The following SNAP47 variants were observed in gnomAD, a reference collection of about 807,000 sequenced individuals.
SNAP47 encodes synaptosome associated protein 47.
A neutral mutation model predicts 31.4 loss-of-function variants in SNAP47; 20 were observed. The observed-to-expected ratio is 0.64, with a 90% CI of 0.45 to 0.93. The LOEUF (loss-of-function observed/expected upper bound fraction) is 0.93, where lower values mean the gene tolerates loss of function less well. Among genes scored for constraint, SNAP47 ranks in the 40% least tolerant of loss-of-function variants. The pLI is 0.00. For synonymous variants in SNAP47, 194 were observed against 213.4 expected, an observed-to-expected ratio of 0.91 and a Z score of 0.79; for missense variants, 492 against 528.5, an observed-to-expected ratio of 0.93 and a Z score of 0.68.
At chr1:227,779,067 C>T (rs768943645) in intron 4 of SNAP47, among the ~76,000 whole-genome samples, 6 of 152,184 alleles carry the variant, frequency 3.9e-5, no homozygotes, top group Non-Finnish European at 8.8e-5. Flanking sequence ...GGCAGCTGGC[C>T]GGGGAAGGGC....
chr1:227,766,466 C>A (rs1046033755), intron 3 of SNAP47, among the ~76,000 whole-genome samples: 1 of 152,192 alleles, frequency 6.6e-6, no homozygotes, highest in Non-Finnish European at 1.5e-5. Flanking sequence ...CACCCAGGTC[C>A]TCTCTGAGCC....
intron 2 of SNAP47, among the ~76,000 whole-genome samples, chr1:227,751,763 T>G (rs1572010923): frequency 3.4e-5 from 4 of 118,406 alleles, no homozygotes; most frequent in African/African-American, 1.4e-4. Context: ...TTTTTTTTTT[T>G]TTTTTTTTTT....
chr1:227,773,291 AAAAAT>A (rs2102992818), intron 4 of SNAP47, among the ~76,000 whole-genome samples: 1 of 152,258 alleles, frequency 6.6e-6, no homozygotes, highest in Non-Finnish European at 1.5e-5. Context: ...TTCAAAAGTA[AAAAAT>A]AAAATAAGTT....
At chr1:227,766,692 AAAAAT>A (rs752389088) in intron 3 of SNAP47, among the ~76,000 whole-genome samples, 31 of 152,332 alleles carry the variant, frequency 2.0e-4, no homozygotes, top group African/African-American at 2.9e-4. Flanking sequence ...AGCCTTTCTC[AAAAAT>A]AAAATAAAAT....
intron 4 of SNAP47, chr1:227,775,961 AGGG>A: frequency 7.8e-7 from 1 of 1,286,800 alleles, no homozygotes. Flanking sequence ...CACAGCGCCC[AGGG>A]CATCCTCCTC....
intron 1 of SNAP47, among the ~76,000 whole-genome samples, chr1:227,740,132 A>G (rs989330163): frequency 2.6e-5 from 4 of 152,198 alleles, no homozygotes; most frequent in African/African-American, 9.6e-5. Flanking sequence ...TGCTTGGGCC[A>G]TGGTTGGTGA....
At chr1:227,733,551 C>T (rs763227625), upstream of SNAP47, 15 of 1,606,652 alleles carry the variant, frequency 9.3e-6, no homozygotes, top group South Asian at 5.5e-5. Context: ...GAGGTCACGT[C>T]GTAGGGCAGG....
At chr1:227,770,708 G>T (rs1162544590) in intron 4 of SNAP47, 1 of 153,450 alleles carries the variant, frequency 6.5e-6, no homozygotes, top group Non-Finnish European at 1.5e-5. Flanking sequence ...GAAAAAACAT[G>T]TGTGTGTACC....
intron 1 of SNAP47, chr1:227,745,713 G>T (rs552275270): frequency 6.6e-6 from 1 of 152,314 alleles, no homozygotes; most frequent in South Asian, 2.1e-4. Flanking sequence ...CAGCTGGAGA[G>T]CCCCGGGTTC....
In SNAP47 at chr1:227,767,023, A is replaced by G. The variant is rs377682744; in HGVS notation, c.1053A>G (p.Ala351=). The change falls in exon 4 of 5, where the codon GCA becomes GCG. Residue 351 remains alanine, a synonymous_variant. Coordinates refer to ENST00000617596, the MANE Select transcript of SNAP47 (RefSeq NM_053052.4). ...CCGCAGGAGACCAGGAGGGCACAGC[A>G]CTGCACCTGCAGACAAGCCTGCCAG... ...EPPAGDQEGT[A]LHLQTSLPAL... is the part of the protein sequence containing the mutation. 6.2e-7 allele frequency: 1 copy of G among 1,614,016 alleles called. No individual in the cohort carries two copies. The highest frequency in any genetic ancestry group is 2.2e-5 in the East Asian group (1 of 44,892).
chr1:227,747,888 C>T lies in SNAP47; in HGVS notation c.152C>T (p.Ser51Phe), dbSNP rs780323476. The T allele has an allele frequency of 1.2e-6, 2 of 1,614,212 alleles. No homozygotes were observed. Among genetic ancestry groups the T allele is most frequent in the African/African-American group, 1.3e-5 (1 of 75,044 alleles). ...GAGATTCTGGTCAGCTTCCCCCTCT[C>T]CAGCATAGTTGAGATCAAGAAGGAG... ...TGEILVSFPLSSIVEIKKEAS... is the reference protein window; with the variant it reads ...TGEILVSFPLFSIVEIKKEAS... Residue 51 changes from serine (S) to phenylalanine (F), a missense_variant, in exon 2 of 5, where the codon TCC (serine) becomes TTC (phenylalanine). Ser to Phe is a radical substitution (Grantham distance 155). Coordinates refer to ENST00000617596, the MANE Select transcript of SNAP47 (RefSeq NM_053052.4).
At chr1:227,769,645 G>T (rs1372280296) in intron 4 of SNAP47, among the ~76,000 whole-genome samples, 1 of 152,188 alleles carries the variant, frequency 6.6e-6, no homozygotes, top group Admixed American at 6.5e-5. Flanking sequence ...CACAGGACAG[G>T]CAGGGGTGAC....
intron 3 of SNAP47, among the ~76,000 whole-genome samples, chr1:227,766,680 TC>T (rs1186276550): frequency 6.6e-6 from 1 of 152,220 alleles, no homozygotes; most frequent in African/African-American, 2.4e-5. Flanking sequence ...CTCCAAATCT[TC>T]AGCCTTTCTC....
intron 4 of SNAP47, among the ~76,000 whole-genome samples, chr1:227,770,396 C>G (rs1420559604): frequency 6.6e-6 from 1 of 152,128 alleles, no homozygotes; most frequent in East Asian, 1.9e-4. Flanking sequence ...GTGTTTCTGT[C>G]CTCACGTCTT....
chr1:227,734,363 A>G, upstream of SNAP47: 1 of 347,546 alleles, frequency 2.9e-6, no homozygotes, highest in Non-Finnish European at 5.1e-6. Flanking sequence ...AAAAAAAAAA[A>G]AAAAAAAAAA....
chr1:227,748,407 A>G (rs571173487), intron 2 of SNAP47, among the ~76,000 whole-genome samples, 174 bp downstream of exon 2: 38 of 152,316 alleles, frequency 2.5e-4, no homozygotes, highest in Admixed American at 2.2e-3. Flanking sequence ...AAGATCCAGC[A>G]CTCGGAAAGC....
At chr1:227,756,077 A>G (rs59974721) in intron 2 of SNAP47, among the ~76,000 whole-genome samples, 3,258 of 152,284 alleles carry the variant, frequency 0.021, 101 homozygotes, top group African/African-American at 0.073. Context: ...CTGTAACCCA[A>G]CTACCTTGGG....
At chr1:227,749,342 A>G (rs1252318426) in intron 2 of SNAP47, among the ~76,000 whole-genome samples, 2 of 151,984 alleles carry the variant, frequency 1.3e-5, no homozygotes, top group Admixed American at 6.6e-5. Context: ...CTCAGGTAGA[A>G]AGTTTACTCC....
At chr1:227,733,830 C>T, upstream of SNAP47, 1 of 1,596,890 alleles carries the variant, frequency 6.3e-7, no homozygotes, top group Non-Finnish European at 8.5e-7. Context: ...AGCAGCCCCC[C>T]TCCTGCCACC....
Sources: allele counts gnomAD v4.1 joint callset (sites outside exome capture counted in the v4.1 genomes callset), GRCh38; gene constraint gnomAD v4.1.1; transcripts MANE v1.5; gene names NCBI Gene and HGNC (gene_info 2026-07-23, HGNC 2026-07-21).